SUMF1: variants seen among roughly 807,000 people sequenced by gnomAD.
The protein encoded by SUMF1 is formylglycine-generating enzyme.
Under a neutral mutation model 47.6 loss-of-function variants are expected in SUMF1, and 48 were observed. The ratio of observed to expected loss-of-function variants is 1.01; its 90% CI spans 0.80 to 1.28. The LOEUF (loss-of-function observed/expected upper bound fraction) is 1.28. SUMF1 is among the 50% of genes most tolerant of loss of function. SUMF1 has a pLI of 0.00. For synonymous variants in SUMF1, 230 were observed against 192.1 expected, an observed-to-expected ratio of 1.20 and a Z score of -1.63; for missense variants, 571 against 485.4, an observed-to-expected ratio of 1.18 and a Z score of -1.66.
At chr3:4,393,419 A>G (rs570669402) in intron 7 of SUMF1, among the ~76,000 whole-genome samples, 1 of 152,074 alleles carries the variant, frequency 6.6e-6, no homozygotes, top group Admixed American at 6.5e-5. Flanking sequence ...CATAGCCTCG[A>G]CCTCCTGGGG....
chr3:4,415,480 T>C (rs1186050799), intron 6 of SUMF1, among the ~76,000 whole-genome samples: 1 of 152,132 alleles, frequency 6.6e-6, no homozygotes, highest in Admixed American at 6.5e-5. Flanking sequence ...TTTCTAACCT[T>C]TGACTCAATC....
intron 8 of SUMF1, among the ~76,000 whole-genome samples, chr3:4,249,165 A>C (rs942383801): frequency 6.6e-6 from 1 of 152,226 alleles, no homozygotes; most frequent in Non-Finnish European, 1.5e-5. Context: ...TCTCTAGCAG[A>C]GTGGGTATAA....
intron 8 of SUMF1, among the ~76,000 whole-genome samples, chr3:4,339,287 T>G (rs988563085): frequency 1.3e-5 from 2 of 152,154 alleles, no homozygotes; most frequent in African/African-American, 4.8e-5. Context: ...CCATTTTCCT[T>G]GTGAGGTATG....
intron 8 of SUMF1, among the ~76,000 whole-genome samples, chr3:4,177,933 A>C (rs1695003341): frequency 6.6e-6 from 1 of 152,170 alleles, no homozygotes; most frequent in African/African-American, 2.4e-5. Context: ...ATAAACTAGA[A>C]AATCTAGAAG....
Position 4,218,122 on chromosome 3 carries a change from T to A in SUMF1, c.1015-149377A>T, listed in dbSNP as rs190512338. ...TATTTTACTTCTTTAAAAAAAAAAATAGACACGCAGGGAAGATCGGGTGAA... is the reference window on the plus strand; with the variant it reads ...TATTTTACTTCTTTAAAAAAAAAAAAAGACACGCAGGGAAGATCGGGTGAA... On this transcript the variant is annotated intron_variant and NMD_transcript_variant, in intron 8 of 12. Coordinates refer to the SUMF1 transcript ENST00000448413. Among the ~76,000 whole-genome samples the A allele has an allele frequency of 8.8e-3, 1,332 of 150,908 alleles. 20 individuals are homozygous for A. The highest frequency in any genetic ancestry group is 0.03 in the African/African-American group (1,224 of 41,146).
In SUMF1 at chr3:4,467,067, G is replaced by A. The variant is rs886058521; in HGVS notation, c.179C>T (p.Ala60Val). ...GTGAGCGGCTGCCGAACTGCCATGG[G>A]CGCCAGGCCGCTGGGGCGTGCCGCA... Reference protein sequence around the residue: ...CGCGTPQRPGAHGSSAAAHRY... With the variant: ...CGCGTPQRPGVHGSSAAAHRY... The change falls in exon 1 of 9, where the codon GCC becomes GTC. Residue 60 changes from alanine to valine, a missense_variant. Physicochemically the swap from Ala to Val is moderately conservative, Grantham distance 64 (BLOSUM62 0). Coordinates refer to ENST00000272902, the MANE Select transcript of SUMF1 (RefSeq NM_182760.4). The A allele has an allele frequency of 2.4e-5, 38 of 1,565,258 alleles. No individual in the cohort carries two copies. Among genetic ancestry groups the A allele is most frequent in the Non-Finnish European group, 3.2e-5 (37 of 1,156,374 alleles).
intron 7 of SUMF1, among the ~76,000 whole-genome samples, chr3:4,407,074 CACACACATGGG>C (rs1701399029): frequency 7.7e-6 from 1 of 129,358 alleles, no homozygotes; most frequent in Admixed American, 8.3e-5. Context: ...CTCCACAGGA[CACACACATGGG>C]ACACACACAC....
intron 8 of SUMF1, among the ~76,000 whole-genome samples, chr3:4,307,083 A>G (rs1213105436): frequency 6.6e-6 from 1 of 152,238 alleles, no homozygotes; most frequent in African/African-American, 2.4e-5. Context: ...CTAGAGGCCA[A>G]GTACAAAGAT....
intron 9 of SUMF1, among the ~76,000 whole-genome samples, chr3:4,065,390 T>A (rs992391280): frequency 5.3e-5 from 8 of 152,136 alleles, no homozygotes; most frequent in Admixed American, 4.6e-4. Context: ...TCAATGAGAT[T>A]TGCATGTAAA....
intron 7 of SUMF1, among the ~76,000 whole-genome samples, chr3:4,377,372 C>T (rs1307490672): frequency 6.6e-6 from 1 of 151,902 alleles, no homozygotes; most frequent in Non-Finnish European, 1.5e-5. Flanking sequence ...ATGAACCAGG[C>T]ACAGTTTGAG....
intron 8 of SUMF1, among the ~76,000 whole-genome samples, chr3:4,240,221 G>A (rs888477180): frequency 2.0e-5 from 3 of 152,070 alleles, no homozygotes; most frequent in African/African-American, 7.2e-5. Flanking sequence ...ATATTGTCCT[G>A]AAATATTCTT....
chr3:4,208,407 T>G (rs1017611001), intron 8 of SUMF1, among the ~76,000 whole-genome samples: 6 of 149,474 alleles, frequency 4.0e-5, no homozygotes, highest in Admixed American at 2.7e-4. Flanking sequence ...TTACTGCAGT[T>G]CCAGTTACCC....
rs187590732 is a variant in SUMF1, at chr3:4,365,287, C to T, written c.1015-3033G>A. The stretch of plus-strand genomic sequence containing the variant: ...GGATATCCTTGTTAACTTTCTGTCT[C>T]GTTGATCTGTCTAATGTTGACAGTG... On this transcript the variant is annotated intron_variant, in intron 8 of 8. Transcript: ENST00000272902. 7.0e-3 allele frequency among the ~76,000 whole-genome samples: 697 copies of T among 98,866 alleles called. 14 individuals carry two copies. The highest frequency in any genetic ancestry group is 8.2e-3 in the Non-Finnish European group (333 of 40,824). 64.9% of individuals were successfully genotyped at this position (98,866 alleles called of 152,430 possible).
chr3:4,151,903 AG>A (rs1694345845), intron 8 of SUMF1, among the ~76,000 whole-genome samples: 1 of 151,444 alleles, frequency 6.6e-6, no homozygotes, highest in Non-Finnish European at 1.5e-5. Flanking sequence ...CATGGTAAAT[AG>A]CCATTTCTAT....
chr3:4,391,826 CTTTTCTTT>C (rs1416178742), intron 7 of SUMF1, among the ~76,000 whole-genome samples: 2 of 137,190 alleles, frequency 1.5e-5, no homozygotes, highest in Non-Finnish European at 3.2e-5. Context: ...CTTTTCTTTT[CTTTTCTTT>C]TTTTTTTTTT....
At chr3:4,151,904 G>C (rs558349225) in intron 8 of SUMF1, among the ~76,000 whole-genome samples, 1 of 151,388 alleles carries the variant, frequency 6.6e-6, no homozygotes, top group Non-Finnish European at 1.5e-5. Flanking sequence ...ATGGTAAATA[G>C]CCATTTCTAT....
intron 8 of SUMF1, among the ~76,000 whole-genome samples, chr3:4,327,504 G>A (rs905618237): frequency 4.6e-5 from 7 of 151,910 alleles, no homozygotes; most frequent in African/African-American, 1.7e-4. Flanking sequence ...GGACAGTCAT[G>A]GTTAAAAACA....
At chr3:4,238,762 G>A (rs1696468296) in intron 8 of SUMF1, among the ~76,000 whole-genome samples, 1 of 152,190 alleles carries the variant, frequency 6.6e-6, no homozygotes, top group South Asian at 2.1e-4. Flanking sequence ...TTGCTGTGCA[G>A]AAGCTCTTTA....
chr3:4,191,673 T>C (rs1036836131), intron 8 of SUMF1, among the ~76,000 whole-genome samples: 3 of 152,078 alleles, frequency 2.0e-5, no homozygotes, highest in African/African-American at 7.2e-5. Context: ...ATTAGATGTG[T>C]AAGATGAGGA....
Sources: gnomAD v4.1 joint callset for allele counts (sites outside exome capture counted in the v4.1 genomes callset) on GRCh38, gnomAD v4.1.1 for gene constraint, MANE v1.5 for transcripts, NCBI Gene and HGNC (gene_info 2026-07-23, HGNC 2026-07-21) for gene names.